The following PRDM16 variants were observed in gnomAD, a reference collection of about 807,000 sequenced individuals.
The protein encoded by PRDM16 is PR/SET domain 16.
Under a neutral mutation model 110.6 loss-of-function variants are expected in PRDM16, and 23 were observed. The ratio of observed to expected loss-of-function variants is 0.21; its 90% confidence interval spans 0.15 to 0.29. The LOEUF (loss-of-function observed/expected upper bound fraction) is 0.29. PRDM16 is among the 10% of genes least tolerant of loss of function. The pLI, the probability that PRDM16 is intolerant of heterozygous loss-of-function variation, is 1.00. For synonymous variants in PRDM16, 799 were observed against 781.8 expected (o/e 1.02, Z -0.37); for missense variants, 1,615 against 1,794.3 (o/e 0.90, Z 1.81).
At chr1:3,124,977 G>A (rs1010246881) in intron 1 of PRDM16, among the ~76,000 whole-genome samples, 7 of 152,242 alleles carry the variant, frequency 4.6e-5, no homozygotes, top group Admixed American at 2.0e-4. Flanking sequence ...TCCAGCTCCC[G>A]CAATGTTCAG....
intron 1 of PRDM16, among the ~76,000 whole-genome samples, chr1:3,160,520 G>A (rs1643889226): frequency 6.6e-6 from 1 of 152,150 alleles, no homozygotes; most frequent in East Asian, 1.9e-4. Context: ...CCAGGGTAAG[G>A]GCGACACAAG....
Position 3,365,972 on chromosome 1 carries a change from G to A in PRDM16, c.439-19180G>A, listed in dbSNP as rs372692236. Among the ~76,000 whole-genome samples the A allele has an allele frequency of 3.5e-3, 526 of 151,400 alleles. 4 individuals are homozygous for A. The highest frequency in any genetic ancestry group is 5.1e-3 in the East Asian group (26 of 5,136). Reference sequence around the variant, plus strand: ...CACGCATGCACACATGCACACACACGCACACACGCACACAAACATGCACAC... The same window carrying A: ...CACGCATGCACACATGCACACACACACACACACGCACACAAACATGCACAC... On this transcript the variant is annotated intron_variant, in intron 3 of 16. Coordinates refer to ENST00000270722, the MANE Select transcript of PRDM16 (RefSeq NM_022114.4).
rs1182820916 is a variant in PRDM16 at position 3,402,796 on chromosome 1, C to T, written c.682C>T (p.Pro228Ser). 6.2e-7 allele frequency: 1 copy of T among 1,610,614 alleles called. No homozygotes were observed. The highest frequency in any genetic ancestry group is 2.2e-5 in the East Asian group (1 of 44,776). Residue 228 changes from proline to serine, a missense_variant, in exon 6 of 17, where the codon CCC (proline) becomes TCC (serine). Pro to Ser is a moderately conservative substitution (Grantham distance 74). This residue lies in a region of PRDM16 where 416 missense variants were observed against 467.1 expected (regional missense o/e 0.89). Coordinates refer to ENST00000270722, the MANE Select transcript of PRDM16 (RefSeq NM_022114.4). ...GTVPPGLDEE[P>S]TFRCDECDEL... ...CCTCGTTCTCTCTCTTGCAGAGGAG[C>T]CCACGTTCCGCTGTGACGAGTGTGA...
chr1:3,366,186 C>G lies in PRDM16; in HGVS notation c.439-18966C>G, dbSNP rs530492785. Reference sequence around the variant, plus strand: ...GCCGGAGAACACAGGCTTCGCACAGCTTGGTCCGGCTGGAATGAATTCTTT... The same window carrying G: ...GCCGGAGAACACAGGCTTCGCACAGGTTGGTCCGGCTGGAATGAATTCTTT... On this transcript the variant is annotated intron_variant, in intron 3 of 16. Transcript: ENST00000270722. Among the ~76,000 whole-genome samples, 3 of 152,380 alleles carry G rather than the reference C, an allele frequency of 2.0e-5. No individual in the cohort carries two copies. The South Asian group carries it at 6.2e-4, about 32-fold the overall frequency.
At chr1:3,123,066 C>T (rs996952886) in intron 1 of PRDM16, among the ~76,000 whole-genome samples, 4 of 152,150 alleles carry the variant, frequency 2.6e-5, no homozygotes, top group Non-Finnish European at 4.4e-5. Context: ...CAGTGTTCTT[C>T]GGTGTAAAGT....
intron 3 of PRDM16, among the ~76,000 whole-genome samples, chr1:3,374,694 G>A (rs976046179): frequency 5.3e-5 from 8 of 152,242 alleles, no homozygotes; most frequent in Non-Finnish European, 1.0e-4. Context: ...AAGGCAGAGC[G>A]CACAGCATAG....
In PRDM16 at chr1:3,080,062, C is replaced by T. The variant is rs1219486542; in HGVS notation, c.37+10766C>T. On this transcript the variant is annotated intron_variant, in intron 1 of 16. Coordinates refer to ENST00000270722, the MANE Select transcript of PRDM16 (RefSeq NM_022114.4). The surrounding 1 kb of genome is among the most constrained non-coding windows in gnomAD (Gnocchi z 5.2). ...CTGGAAAAGTTCAAAGGTGGAGAGG[C>T]GGCAGCGATCTGGAGCACTTTTCCG... 6.6e-6 allele frequency among the ~76,000 whole-genome samples: 1 copy of T among 152,154 alleles called. No homozygotes were observed. Among genetic ancestry groups the T allele is most frequent in the African/African-American group, 2.4e-5 (1 of 41,434 alleles).
chr1:3,358,305 G>C lies in PRDM16; in HGVS notation c.439-26847G>C, dbSNP rs1642648739. ...CTGCTGGGGAACCGTAGTTACGCAG[G>C]TCCTGAACTGGGTCTTCTCTGGATG... On this transcript the variant is annotated intron_variant, in intron 3 of 16. Coordinates refer to ENST00000270722, the MANE Select transcript of PRDM16 (RefSeq NM_022114.4). This position sits in a 1 kb window ranked among gnomAD's most constrained non-coding sequence, Gnocchi z 4.0. Among the ~76,000 whole-genome samples, 1 of 152,214 alleles carries C rather than the reference G, an allele frequency of 6.6e-6. No homozygotes were observed. The highest frequency in any genetic ancestry group is 2.1e-4 in the South Asian group (1 of 4,830).
chr1:3,408,613 TGA>T (rs1415422510), intron 8 of PRDM16, among the ~76,000 whole-genome samples: 1 of 146,708 alleles, frequency 6.8e-6, no homozygotes, highest in Non-Finnish European at 1.5e-5. Context: ...GGTGTGTGTG[TGA>T]GTGCATGAGT....
In PRDM16 at chr1:3,265,385, G is replaced by A. The variant is rs1454886379; in HGVS notation, c.438+21248G>A. Among the ~76,000 whole-genome samples, 1 of 152,022 alleles carries A rather than the reference G, an allele frequency of 6.6e-6. No individual in the cohort carries two copies. Among genetic ancestry groups the A allele is most frequent in the Non-Finnish European group, 1.5e-5 (1 of 67,982 alleles). ...GCACAGCTCATGGGGAGGCCTGACG[G>A]GCCTGAGACTGATGATGTGAAGGGC... On this transcript the variant is annotated intron_variant, in intron 3 of 16. Transcript: ENST00000270722. This position sits in a 1 kb window ranked among gnomAD's most constrained non-coding sequence, Gnocchi z 4.5.
At chr1:3,239,883 G>A (rs183055692) in intron 2 of PRDM16, among the ~76,000 whole-genome samples, 222 of 152,124 alleles carry the variant, frequency 1.5e-3, no homozygotes, top group Middle Eastern at 0.01. Context: ...CCAGGAGGTC[G>A]AGGTTGCAGT....
chr1:3,308,853 A>T (rs1641373226), intron 3 of PRDM16: 1 of 152,136 alleles, frequency 6.6e-6, no homozygotes, highest in African/African-American at 2.4e-5. Context: ...CGTGGTCATG[A>T]TAGTGGTCCC....
At position 3,186,655 on chromosome 1, in the gene PRDM16, C is replaced by T. The variant is rs1644272258; in HGVS notation, c.387+181C>T. 4 of 544,546 alleles carry T rather than the reference C, an allele frequency of 7.3e-6. 1 individual carries two copies. In the East Asian group the frequency reaches 1.2e-4, roughly 17 times the overall value. The allele number at this position is 544,546 out of a possible 1,614,324, so 33.7% of individuals were successfully genotyped here. A position where few individuals can be genotyped will look rare whatever the true frequency, so the allele number is the denominator to read the frequency against. ...TCGCCTGATGCGACTCAGAAAGCAT[C>T]AGAGGTCCTCGTGGGTGCCTGTCAG... On this transcript the variant is annotated intron_variant, in intron 2 of 16. Coordinates refer to ENST00000270722, the MANE Select transcript of PRDM16 (RefSeq NM_022114.4).
chr1:3,327,828 C>G (rs1353707498), intron 3 of PRDM16, among the ~76,000 whole-genome samples: 2 of 152,336 alleles, frequency 1.3e-5, no homozygotes, highest in Admixed American at 6.5e-5. Context: ...CGCCTGCCCC[C>G]CAGCACTGGC....
intron 3 of PRDM16, among the ~76,000 whole-genome samples, chr1:3,374,314 G>GCTTTCCA (rs1642956492): frequency 4.6e-5 from 7 of 152,238 alleles, no homozygotes; most frequent in Admixed American, 2.6e-4. Flanking sequence ...TTGGCAAAGA[G>GCTTTCCA]CTTTCCACTT....
Position 3,434,583 on chromosome 1 carries a change from C to T in PRDM16, c.*772C>T, listed in dbSNP as rs1326846806. The T allele has an allele frequency of 4.3e-6, 1 of 232,088 alleles. No homozygotes were observed. Among genetic ancestry groups the T allele is most frequent in the African/African-American group, 2.2e-5 (1 of 45,272 alleles). The allele number at this position is 232,088 out of a possible 1,614,324, so 14.4% of individuals were successfully genotyped here. A position where few individuals can be genotyped will look rare whatever the true frequency, so the allele number is the denominator to read the frequency against. ...GGCCGAAGAAGTCTTAGGCAGGGCG[C>T]CCTGGGCTGCAGGCCTGCCCGAGGC... On this transcript the variant is annotated 3_prime_UTR_variant, in exon 17 of 17. Transcript: ENST00000270722.
chr1:3,165,285 G>A (rs1643938234), intron 1 of PRDM16, among the ~76,000 whole-genome samples: 2 of 126,814 alleles, frequency 1.6e-5, no homozygotes, highest in Non-Finnish European at 3.3e-5. Context: ...GGCCTTAGGG[G>A]CATGGACTCA....
intron 8 of PRDM16, among the ~76,000 whole-genome samples, chr1:3,406,676 G>A (rs1040889960): frequency 2.6e-4 from 39 of 152,272 alleles, no homozygotes; most frequent in African/African-American, 9.1e-4. Context: ...CCAGGAATTC[G>A]AGGCTGCAGT....
intron 14 of PRDM16, among the ~76,000 whole-genome samples, chr1:3,430,221 C>T (rs534479856): frequency 6.6e-6 from 1 of 152,170 alleles, no homozygotes; most frequent in Non-Finnish European, 1.5e-5. Flanking sequence ...CCCATGCACG[C>T]TTTGTTCTTT....
Sources: allele counts gnomAD v4.1 joint callset (sites outside exome capture counted in the v4.1 genomes callset), GRCh38; gene constraint gnomAD v4.1.1; regional missense constraint gnomAD v4.1.1; non-coding constraint Gnocchi (gnomAD v3.1); transcripts MANE v1.5; gene names NCBI Gene and HGNC (gene_info 2026-07-23, HGNC 2026-07-21).